Variants in RGS3 observed in about 807,000 individuals in gnomAD.
The protein encoded by RGS3 is regulator of G protein signaling 3.
In RGS3, 80 loss-of-function variants were observed where a neutral mutation model predicts 132.6. The observed-to-expected ratio is 0.60, with a 90% CI of 0.50 to 0.73. RGS3 has a LOEUF of 0.73. Ranked by LOEUF, RGS3 falls within the 30% of genes least tolerant of loss-of-function variation. The probability of loss-of-function intolerance (pLI) is 0.00; values close to 1 mark genes in which losing one functional copy is unlikely to be tolerated. For synonymous variants in RGS3, 598 were observed against 620.6 expected, an observed-to-expected ratio of 0.96 and a Z score of 0.54; for missense variants, 1,382 against 1,530.8, an observed-to-expected ratio of 0.90 and a Z score of 1.62.
At chr9:113,515,060 C>G (rs1831586603) in intron 15 of RGS3, among the ~76,000 whole-genome samples, 1 of 152,176 alleles carries the variant, frequency 6.6e-6, no homozygotes, top group African/African-American at 2.4e-5. Flanking sequence ...CTTATCTGCT[C>G]TCCCTGGTCT....
Position 113,517,286 on chromosome 9 carries a change from T to C in RGS3, c.1675-255T>C, listed in dbSNP as rs943220729. ...CCTAAGCCTGTGGTTAGACTTCCTG[T>C]CAATGAGTGTAGCTCTCACGGTGAG... On this transcript the variant is annotated intron_variant, in intron 15 of 24. Transcript: ENST00000350696. The C allele has an allele frequency of 6.4e-6, 4 of 624,122 alleles. No individual in the cohort carries two copies. The African/African-American group carries it at 7.2e-5, about 11-fold the overall frequency. 38.7% of individuals were successfully genotyped at this position (624,122 alleles called of 1,614,324 possible).
At chr9:113,563,424 G>C (rs1420459971) in intron 19 of RGS3, among the ~76,000 whole-genome samples, 1 of 152,192 alleles carries the variant, frequency 6.6e-6, no homozygotes, top group East Asian at 1.9e-4. Flanking sequence ...GGGCACCTCT[G>C]ACGTGAAGGA....
chr9:113,509,516 G>T (rs990459210), intron 14 of RGS3, among the ~76,000 whole-genome samples: 2 of 152,106 alleles, frequency 1.3e-5, no homozygotes, highest in Admixed American at 1.3e-4. Context: ...CCTGATCAGG[G>T]GTGGAAGCTG....
chr9:113,463,463 C>A lies in RGS3; in HGVS notation c.415+1262C>A, dbSNP rs1014838777. On this transcript the variant is annotated intron_variant, in intron 3 of 24. Transcript: ENST00000350696. The surrounding 1 kb of genome is among the most constrained non-coding windows in gnomAD (Gnocchi z 4.6). ...GTGGGCACCCCGGACTGGGCCTTCT[C>A]GTGGGACTGGCATTTCCAACCGGGA... Among the ~76,000 whole-genome samples, 1 of 152,176 alleles carries A rather than the reference C, an allele frequency of 6.6e-6. No homozygotes were observed. Among genetic ancestry groups the A allele is most frequent in the African/African-American group, 2.4e-5 (1 of 41,454 alleles).
exon 8 of RGS3, chr9:113,495,813 C>T (rs1173100159): frequency 1.2e-6 from 2 of 1,614,050 alleles, no homozygotes; most frequent in East Asian, 4.5e-5. Context: ...GCTGCATGAG[C>T]TTTGGGGTGA....
intron 1 of RGS3, among the ~76,000 whole-genome samples, chr9:113,446,221 T>C (rs952287748): frequency 6.6e-6 from 1 of 152,174 alleles, no homozygotes; most frequent in Non-Finnish European, 1.5e-5. Context: ...TCCATTGACA[T>C]AAGGTACCAG....
chr9:113,517,392 T>A, intron 15 of RGS3, 149 bp from the exon 14 acceptor site: 1 of 709,738 alleles, frequency 1.4e-6, no homozygotes, highest in Non-Finnish European at 2.6e-6. Flanking sequence ...TATGAGGGGG[T>A]GTGTGGGTTC....
intron 10 of RGS3, 63 bp downstream of exon 8, chr9:113,498,143 G>C: frequency 6.6e-7 from 1 of 1,509,300 alleles, no homozygotes; most frequent in South Asian, 1.1e-5. Context: ...CAGCCCCTGG[G>C]CCCGGGAAAC....
rs1831141660 is a variant in RGS3 at position 113,506,542 on chromosome 9, C to T, written c.1085+49C>T. 8.0e-7 allele frequency: 1 copy of T among 1,253,130 alleles called. No homozygotes were observed. Among genetic ancestry groups the T allele is most frequent in the East Asian group, 2.5e-5 (1 of 40,010 alleles). The allele number at this position is 1,253,130 out of a possible 1,614,324, so 77.6% of individuals were successfully genotyped here. A position where few individuals can be genotyped will look rare whatever the true frequency, so the allele number is the denominator to read the frequency against. ...TGGGGCCTCAGGCTGATGGCACACC[C>T]TCCCCACCCCTGGGCACACTGCCTT... On this transcript the variant is annotated intron_variant, in intron 12 of 24. Transcript: ENST00000350696. The surrounding 1 kb of genome is among the most constrained non-coding windows in gnomAD (Gnocchi z 4.7).
intron 7 of RGS3, among the ~76,000 whole-genome samples, chr9:113,491,363 C>T (rs1245145114): frequency 6.6e-6 from 1 of 151,690 alleles, no homozygotes; most frequent in Non-Finnish European, 1.5e-5. Context: ...ATTCTCTGGC[C>T]TCAGCCTCCC....
At chr9:113,554,406 A>G (rs554576246) in intron 19 of RGS3, among the ~76,000 whole-genome samples, 1 of 152,188 alleles carries the variant, frequency 6.6e-6, no homozygotes, top group Non-Finnish European at 1.5e-5. Flanking sequence ...TCTGAGTTCA[A>G]GCTATTCTCC....
At chr9:113,560,541 C>A (rs764236449) in intron 19 of RGS3, among the ~76,000 whole-genome samples, 1 of 152,252 alleles carries the variant, frequency 6.6e-6, no homozygotes, top group Non-Finnish European at 1.5e-5. Context: ...CAAGTTCCAT[C>A]CCATGGGCGG....
At chr9:113,555,256 G>T (rs892137787) in intron 19 of RGS3, among the ~76,000 whole-genome samples, 5 of 152,054 alleles carry the variant, frequency 3.3e-5, no homozygotes, top group Non-Finnish European at 5.9e-5. Context: ...ATTTCCTTTG[G>T]AGTTATACAC....
chr9:113,497,284 C>A, intron 8 of RGS3, 30 bp from the exon 7 acceptor site: 1 of 1,574,848 alleles, frequency 6.3e-7, no homozygotes, highest in Non-Finnish European at 8.7e-7. Context: ...CCTCCTGTGT[C>A]TGAGCGTGCC....
At chr9:113,586,285 C>G (rs1186017342) in intron 20 of RGS3, among the ~76,000 whole-genome samples, 1 of 152,224 alleles carries the variant, frequency 6.6e-6, no homozygotes, top group Non-Finnish European at 1.5e-5. Flanking sequence ...CCTGATTCCC[C>G]CACTACACCC....
At chr9:113,477,651 G>A (rs1830035753) in intron 3 of RGS3, among the ~76,000 whole-genome samples, 1 of 152,222 alleles carries the variant, frequency 6.6e-6, no homozygotes, top group Admixed American at 6.5e-5. Flanking sequence ...CAGGTCTAGA[G>A]GAAAGAGCCC....
intron 18 of RGS3, 54 bp from the exon 17 acceptor site, chr9:113,536,742 C>T: frequency 1.9e-6 from 3 of 1,592,010 alleles, no homozygotes; most frequent in Non-Finnish European, 2.6e-6. Flanking sequence ...CTGGGAGCCC[C>T]CTGAACCAGG....
chr9:113,536,648 G>A, intron 18 of RGS3, 148 bp from the exon 17 acceptor site: 1 of 1,490,684 alleles, frequency 6.7e-7, no homozygotes, highest in Non-Finnish European at 8.9e-7. Context: ...TGTCACTGGG[G>A]ATTAGTGTGC....
At chr9:113,508,345 C>G (rs1564504116) in intron 13 of RGS3, among the ~76,000 whole-genome samples, 196 bp from the exon 12 acceptor site, 2 of 152,194 alleles carry the variant, frequency 1.3e-5, no homozygotes, top group Admixed American at 6.5e-5. Flanking sequence ...CATAAAGCCT[C>G]TTTCAACTTG....
Sources: allele counts gnomAD v4.1 joint callset (sites outside exome capture counted in the v4.1 genomes callset), GRCh38; gene constraint gnomAD v4.1.1; non-coding constraint Gnocchi (gnomAD v3.1); transcripts MANE v1.5; gene names NCBI Gene and HGNC (gene_info 2026-07-23, HGNC 2026-07-21).